DNAH6: variants seen among roughly 807,000 people sequenced by gnomAD.
DNAH6 encodes dynein axonemal heavy chain 6.
DNAH6 carries 340 observed loss-of-function variants against 491.4 expected under a neutral mutation model. The observed-to-expected ratio is 0.69, with a 90% confidence interval of 0.63 to 0.76. The LOEUF (loss-of-function observed/expected upper bound fraction) is 0.76. DNAH6 is among the 30% of genes least tolerant of loss of function. DNAH6 has a pLI of 0.00. For missense variants in DNAH6, 4,443 were observed against 4,972.2 expected, an observed-to-expected ratio of 0.89 and a Z score of 3.20; for synonymous variants, 1,603 against 1,686.1, an observed-to-expected ratio of 0.95 and a Z score of 1.21.
intron 38 of DNAH6, 104 bp from the exon 39 acceptor site, chr2:84,670,224 C>T (rs1047624458): frequency 1.3e-6 from 1 of 757,138 alleles, no homozygotes; most frequent in South Asian, 2.1e-5. Flanking sequence ...TGGCTTTAAC[C>T]TCTCTCTTTT....
At chr2:84,553,439 CTCTTTCTCTCTCTCTTTCTT>C (rs1679694100) in intron 10 of DNAH6, among the ~76,000 whole-genome samples, 1 of 111,126 alleles carries the variant, frequency 9.0e-6, no homozygotes, top group African/African-American at 3.3e-5. Flanking sequence ...CTTTCTTTTT[CTCTTTCTCTCTCTCTTTCTT>C]TCTTTTCTTT....
chr2:84,551,108 GC>G (rs1482354101), intron 9 of DNAH6, among the ~76,000 whole-genome samples: 1 of 152,044 alleles, frequency 6.6e-6, no homozygotes, highest in African/African-American at 2.4e-5. Context: ...CACCCTCACA[GC>G]TTAAATCTCC....
At chr2:84,687,954 G>A (rs1356052627) in intron 44 of DNAH6, among the ~76,000 whole-genome samples, 2 of 152,100 alleles carry the variant, frequency 1.3e-5, no homozygotes, top group African/African-American at 2.4e-5. Flanking sequence ...ATGAAACCAG[G>A]TCGGGCGCAG....
At chr2:84,650,378 T>C (rs1190013593) in intron 33 of DNAH6, among the ~76,000 whole-genome samples, 1 of 152,168 alleles carries the variant, frequency 6.6e-6, no homozygotes, top group East Asian at 1.9e-4. Context: ...GTAACTTCTA[T>C]TATTCTATCT....
intron 23 of DNAH6, 115 bp from the exon 24 acceptor site, chr2:84,619,570 A>C: frequency 1.1e-6 from 1 of 870,464 alleles, no homozygotes; most frequent in Non-Finnish European, 1.8e-6. Context: ...GTATAATTGG[A>C]GGTCCAGGAA....
intron 33 of DNAH6, among the ~76,000 whole-genome samples, chr2:84,649,564 G>A (rs1029643363): frequency 6.6e-6 from 1 of 152,090 alleles, no homozygotes; most frequent in African/African-American, 2.4e-5. Context: ...ATTCTGGAGT[G>A]ACAGTTCTTT....
At chr2:84,475,686 A>G in the DNAH6 span, among the ~76,000 whole-genome samples, 3 of 152,226 alleles carry the variant, frequency 2.0e-5, no homozygotes, top group Non-Finnish European at 4.4e-5. Context: ...TCAGGGGTCT[A>G]ATAGCAGTTT....
intron 37 of DNAH6, among the ~76,000 whole-genome samples, chr2:84,660,501 A>G (rs1180197729): frequency 6.6e-6 from 1 of 152,202 alleles, no homozygotes; most frequent in Non-Finnish European, 1.5e-5. Flanking sequence ...TTAGAAAGTC[A>G]TCACCTTGCA....
Position 84,705,731 on chromosome 2 carries a change from A to G in DNAH6, c.8711A>G (p.Lys2904Arg). The G allele has an allele frequency of 1.3e-6, 2 of 1,550,332 alleles. No individual in the cohort carries two copies. Among genetic ancestry groups the G allele is most frequent in the Non-Finnish European group, 1.7e-6 (2 of 1,146,572 alleles). The change falls in exon 52 of 77, where the codon AAG becomes AGG. Residue 2904 changes from lysine to arginine, a missense_variant. Around this residue, in one of 3 missense-constraint regions of DNAH6, gnomAD observed 1,463 missense variants for 1,656.6 expected, o/e 0.88. Transcript: ENST00000389394. ...AAGGTCGTCGAACCAAAAAGACAAA[A>G]GCTCCGCGCCGCACAGGTACATTTT... The part of the protein sequence containing the change: ...VVKVVEPKRQ[K>R]LRAAQAELDI...
chr2:84,525,578 T>C lies in DNAH6; in HGVS notation c.239T>C (p.Val80Ala), dbSNP rs1676535494. ...IKLEPLPVLK[V>A]YQDHKQPEYI... ...TATTTCCCAAAGCCAGTGCTAAAAG[T>C]CTACCAAGATCATAAGCAGCCAGAA... is the stretch of plus-strand genomic sequence containing the variant. Residue 80 changes from valine to alanine, a missense_variant, in exon 3 of 77, where the codon GTC (valine) becomes GCC (alanine). By Grantham distance (64) the Val-to-Ala change is moderately conservative. Transcript: ENST00000389394. 2 of 1,544,776 alleles carry C rather than the reference T, an allele frequency of 1.3e-6. No homozygotes were observed.
chr2:84,500,660 T>C, the DNAH6 span, among the ~76,000 whole-genome samples: 2 of 152,216 alleles, frequency 1.3e-5, no homozygotes, highest in Non-Finnish European at 2.9e-5. Context: ...TTCCAATCCA[T>C]GAACATGGAA....
chr2:84,510,307 C>T, the DNAH6 span, among the ~76,000 whole-genome samples: 10 of 152,280 alleles, frequency 6.6e-5, no homozygotes, highest in Non-Finnish European at 8.8e-5. Flanking sequence ...CTTCTCTTCT[C>T]GCTTCATTTC....
At chr2:84,693,218 C>T (rs190723832) in intron 45 of DNAH6, among the ~76,000 whole-genome samples, 97 of 152,112 alleles carry the variant, frequency 6.4e-4, no homozygotes, top group African/African-American at 2.2e-3. Context: ...ATTTTCTCTC[C>T]CATTATTTTA....
chr2:84,584,406 C>G, intron 15 of DNAH6, 156 bp downstream of exon 15: 1 of 770,124 alleles, frequency 1.3e-6, no homozygotes, highest in East Asian at 2.8e-5. Context: ...GTTAATCAAG[C>G]TAATTAATGT....
chr2:84,617,036 A>C, intron 23 of DNAH6, 54 bp downstream of exon 23: 1 of 966,088 alleles, frequency 1.0e-6, no homozygotes, highest in African/African-American at 1.7e-5. Context: ...CTGTCAATCA[A>C]GTTGAGGTTA....
rs1406311059 is a variant in DNAH6, at chr2:84,641,940, A to C, written c.4971-7A>C. On this transcript the variant is annotated splice_polypyrimidine_tract_variant and splice_region_variant and intron_variant, in intron 32 of 76. Transcript: ENST00000389394. ...TGATATTATCCGAAATATTCCTTTA[A>C]ATTTAGATCTTTAAAAAGAGAAAAC... 1 of 1,544,406 alleles carries C rather than the reference A, an allele frequency of 6.5e-7. No homozygotes were observed. The highest frequency in any genetic ancestry group is 2.4e-5 in the East Asian group (1 of 40,840).
At chr2:84,752,633 C>G (rs1188030699) in intron 63 of DNAH6, among the ~76,000 whole-genome samples, 1 of 152,066 alleles carries the variant, frequency 6.6e-6, no homozygotes, top group Admixed American at 6.6e-5. Flanking sequence ...ATCACCAACA[C>G]TAGTCTACTT....
chr2:84,672,434 G>T lies in DNAH6; in HGVS notation c.6562G>T (p.Asp2188Tyr), dbSNP rs1465492296. The T allele has an allele frequency of 1.3e-6, 2 of 1,551,582 alleles. No individual in the cohort carries two copies. Among genetic ancestry groups the T allele is most frequent in the Non-Finnish European group, 1.7e-6 (2 of 1,146,908 alleles). The change falls in exon 40 of 77, where the codon GAT becomes TAT. Residue 2188 changes from aspartate to tyrosine, a missense_variant. This residue lies in a region of DNAH6 where 2,977 missense variants were observed against 3,296.6 expected (regional missense o/e 0.90). Coordinates refer to ENST00000389394, the MANE Select transcript of DNAH6 (RefSeq NM_001370.2). ...GATTGAATTACTTCGGCAGTATCAAGATTTTGGGGGATTTTATGACAGAAA... is the reference window on the plus strand; with the variant it reads ...GATTGAATTACTTCGGCAGTATCAATATTTTGGGGGATTTTATGACAGAAA... The part of the protein sequence containing the change: ...PPIELLRQYQ[D>Y]FGGFYDRNKL...
At chr2:84,627,360 A>G (rs1466812772) in intron 29 of DNAH6, among the ~76,000 whole-genome samples, 1 of 152,114 alleles carries the variant, frequency 6.6e-6, no homozygotes. Context: ...TTTTTTTCCC[A>G]TTCAAGTTTA....
Sources: gnomAD v4.1 joint callset for allele counts (sites outside exome capture counted in the v4.1 genomes callset) on GRCh38, gnomAD v4.1.1 for gene constraint, gnomAD v4.1.1 regional missense constraint, MANE v1.5 for transcripts, NCBI Gene and HGNC (gene_info 2026-07-23, HGNC 2026-07-21) for gene names.